The following DLG2 variants were observed in gnomAD, a reference collection of about 807,000 sequenced individuals.
DLG2 encodes discs large MAGUK scaffold protein 2, also known as disks large homolog 2.
Under a neutral mutation model 132.5 loss-of-function variants are expected in DLG2, and 45 were observed. The ratio of observed to expected loss-of-function variants is 0.34; its 90% CI spans 0.27 to 0.44. The LOEUF (loss-of-function observed/expected upper bound fraction) is 0.44. Ranked by LOEUF, DLG2 falls within the 20% of genes least tolerant of loss-of-function variation. DLG2 has a pLI of 1.00. For synonymous variants in DLG2, 424 were observed against 419.6 expected, an observed-to-expected ratio of 1.01 and a Z score of -0.13; for missense variants, 1,045 against 1,196.9, an observed-to-expected ratio of 0.87 and a Z score of 1.87.
chr11:85,235,952 G>A (rs1196003928), intron 4 of DLG2, among the ~76,000 whole-genome samples: 2 of 151,756 alleles, frequency 1.3e-5, no homozygotes, highest in Non-Finnish European at 2.9e-5. Context: ...TAACTAAAAG[G>A]AGACTTATTC....
chr11:85,020,380 T>C (rs1319238243), intron 6 of DLG2, among the ~76,000 whole-genome samples: 3 of 152,224 alleles, frequency 2.0e-5, no homozygotes, highest in Non-Finnish European at 4.4e-5. Context: ...GTCAGATGGG[T>C]AGACTGCAAA....
chr11:84,302,028 A>T (rs1359544596), intron 7 of DLG2, among the ~76,000 whole-genome samples: 1 of 152,200 alleles, frequency 6.6e-6, no homozygotes, highest in Non-Finnish European at 1.5e-5. Flanking sequence ...ATAAAAAAGG[A>T]TGAGTTCACA....
intron 6 of DLG2, chr11:84,545,751 CTTTTTTTT>C (rs35596423): frequency 3.7e-5 from 4 of 106,752 alleles, no homozygotes; most frequent in African/African-American, 8.0e-5. Flanking sequence ...AGGTGATGTT[CTTTTTTTT>C]TTTTTTTTTT....
rs117761284 is a variant in DLG2 at position 84,382,826 on chromosome 11, G to C, written c.520-131535C>G. Among the ~76,000 whole-genome samples, 414 of 151,184 alleles carry C rather than the reference G, an allele frequency of 2.7e-3. 14 individuals are homozygous for C. In the East Asian group the frequency reaches 0.063, roughly 23 times the overall value. ...ATGCTATATAATTGATACCATATTA[G>C]TTGCACCTCCTCTCCAGTCTAGGCG... On this transcript the variant is annotated intron_variant, in intron 7 of 27. Coordinates refer to ENST00000376104, the MANE Select transcript of DLG2 (RefSeq NM_001142699.3).
At chr11:85,137,792 T>A (rs780586289) in intron 5 of DLG2, among the ~76,000 whole-genome samples, 129 of 152,082 alleles carry the variant, frequency 8.5e-4, no homozygotes, top group Non-Finnish European at 1.8e-3. Context: ...GGCACACAAA[T>A]GACATCTGCA....
chr11:83,688,622 T>C (rs551975037), intron 18 of DLG2, among the ~76,000 whole-genome samples: 14 of 152,300 alleles, frequency 9.2e-5, no homozygotes, highest in African/African-American at 2.9e-4. Context: ...TTCGTGTTCA[T>C]GAGTATGTGT....
At chr11:84,597,365 C>T (rs2099564054) in intron 6 of DLG2, among the ~76,000 whole-genome samples, 1 of 152,168 alleles carries the variant, frequency 6.6e-6, no homozygotes, top group Admixed American at 6.5e-5. Context: ...CTTATGACCA[C>T]TATTATTATT....
intron 3 of DLG2, among the ~76,000 whole-genome samples, chr11:85,393,092 A>T (rs776779417): frequency 2.0e-5 from 3 of 152,154 alleles, no homozygotes; most frequent in Non-Finnish European, 4.4e-5. Flanking sequence ...CAAACAACTA[A>T]TATCCACAAT....
rs558510552 is a variant in DLG2 at position 84,903,244 on chromosome 11, T to C, written c.357+208417A>G. Among the ~76,000 whole-genome samples, 66 of 152,322 alleles carry C rather than the reference T, an allele frequency of 4.3e-4. 1 individual carries two copies. Among genetic ancestry groups the C allele is most frequent in the African/African-American group, 1.6e-3 (65 of 41,590 alleles). On this transcript the variant is annotated intron_variant, in intron 6 of 27. Transcript: ENST00000376104. Reference sequence around the variant, plus strand: ...TCACAAGATTACTCCAAATTATTTCTTCCCTTCTTTACTCTCTGAACACAG... The same window carrying C: ...TCACAAGATTACTCCAAATTATTTCCTCCCTTCTTTACTCTCTGAACACAG...
chr11:85,302,392 T>A (rs2152795064), intron 3 of DLG2, among the ~76,000 whole-genome samples: 1 of 152,324 alleles, frequency 6.6e-6, no homozygotes, highest in African/African-American at 2.4e-5. Flanking sequence ...CTCATACTAG[T>A]CAGGCAAGGT....
Position 85,599,376 on chromosome 11 carries a change from T to TC in DLG2, c.-92-589dup, listed in dbSNP as rs552445516. On this transcript the variant is annotated intron_variant, in intron 2 of 27. Coordinates refer to ENST00000376104, the MANE Select transcript of DLG2 (RefSeq NM_001142699.3). ...TCTCTCTCTCTCTCTCTCTACTTTT[T>TC]CTCACCTCTGTACTTTTCTTTGCTC... Among the ~76,000 whole-genome samples, 125 of 152,116 alleles carry TC rather than the reference T, an allele frequency of 8.2e-4. 2 individuals are homozygous for TC. Among genetic ancestry groups the TC allele is most frequent in the Middle Eastern group, 3.4e-3 (1 of 294 alleles).
intron 7 of DLG2, among the ~76,000 whole-genome samples, chr11:84,474,189 C>T (rs2099115756): frequency 6.6e-6 from 1 of 152,024 alleles, no homozygotes; most frequent in Non-Finnish European, 1.5e-5. Context: ...CCACAGCCCT[C>T]TCCTTATTAT....
At chr11:85,068,545 T>C (rs1456400109) in intron 6 of DLG2, among the ~76,000 whole-genome samples, 2 of 152,020 alleles carry the variant, frequency 1.3e-5, no homozygotes, top group Non-Finnish European at 2.9e-5. Context: ...TGAACTCCCA[T>C]TCACAACTGC....
chr11:84,692,318 C>A (rs1403833681), intron 6 of DLG2, among the ~76,000 whole-genome samples: 1 of 151,742 alleles, frequency 6.6e-6, no homozygotes, highest in South Asian at 2.1e-4. Flanking sequence ...TATCTTCATA[C>A]TTAGTCCTAA....
intron 15 of DLG2, among the ~76,000 whole-genome samples, chr11:83,909,201 A>G (rs2154109100): frequency 6.6e-6 from 1 of 152,320 alleles, no homozygotes; most frequent in South Asian, 2.1e-4. Flanking sequence ...TTGTTCTAGT[A>G]GGGCATTTAT....
intron 6 of DLG2, among the ~76,000 whole-genome samples, chr11:84,636,799 T>A (rs886136268): frequency 9.1e-5 from 13 of 143,032 alleles, no homozygotes; most frequent in Admixed American, 2.8e-4. Flanking sequence ...TTTTTTTTTT[T>A]AGAGGGCGTT....
intron 7 of DLG2, among the ~76,000 whole-genome samples, chr11:84,259,895 A>C (rs908939558): frequency 6.6e-6 from 1 of 152,194 alleles, no homozygotes. Flanking sequence ...ATAAATCCTA[A>C]CCACTGCAAT....
chr11:84,574,649 T>A (rs1223176300), intron 6 of DLG2, among the ~76,000 whole-genome samples: 1 of 152,196 alleles, frequency 6.6e-6, no homozygotes, highest in Admixed American at 6.5e-5. Flanking sequence ...TAGCACATAC[T>A]TTACTATGCC....
intron 24 of DLG2, 91 bp downstream of exon 24, chr11:83,471,535 G>C (rs2092024098): frequency 1.1e-6 from 1 of 889,308 alleles, no homozygotes; most frequent in Admixed American, 2.1e-5. Flanking sequence ...TTACTGGAGA[G>C]ACTACTGGAG....
Sources: gnomAD v4.1 joint callset for allele counts (sites outside exome capture counted in the v4.1 genomes callset) on GRCh38, gnomAD v4.1.1 for gene constraint, MANE v1.5 for transcripts, NCBI Gene and HGNC (gene_info 2026-07-23, HGNC 2026-07-21) for gene names.